EIF2A: variants seen among roughly 807,000 people sequenced by gnomAD.
The protein encoded by EIF2A is eukaryotic translation initiation factor 2A, also known as 65 kDa eukaryotic translation initiation factor 2A.
A neutral mutation model predicts 75.2 loss-of-function variants in EIF2A; 62 were observed. The observed-to-expected ratio is 0.82, with a 90% CI of 0.67 to 1.02. EIF2A has a LOEUF of 1.02. EIF2A is among the 50% of genes least tolerant of loss of function. The pLI is 0.00. For synonymous variants in EIF2A, 207 were observed against 239.0 expected (o/e 0.87, Z 1.23); for missense variants, 611 against 677.7 (o/e 0.90, Z 1.09).
intron 11 of EIF2A, among the ~76,000 whole-genome samples, chr3:150,576,584 C>G (rs891143791): frequency 1.3e-5 from 2 of 152,132 alleles, no homozygotes; most frequent in Non-Finnish European, 2.9e-5. Flanking sequence ...AGAAACTGGA[C>G]TTGACATCAT....
At chr3:150,558,005 C>T (rs770519735) in intron 2 of EIF2A, among the ~76,000 whole-genome samples, 9 of 152,160 alleles carry the variant, frequency 5.9e-5, no homozygotes, top group East Asian at 1.9e-4. Flanking sequence ...ATCTTCACTT[C>T]GGAGATACAG....
chr3:150,551,303 T>C (rs547845564), intron 1 of EIF2A, among the ~76,000 whole-genome samples: 1 of 152,318 alleles, frequency 6.6e-6, no homozygotes, highest in Non-Finnish European at 1.5e-5. Context: ...CTGATTTTCT[T>C]TCCTATTATT....
chr3:150,567,909 T>C lies in EIF2A; in HGVS notation c.557T>C (p.Val186Ala). 6.2e-7 allele frequency: 1 copy of C among 1,604,510 alleles called. No individual in the cohort carries two copies. The highest frequency in any genetic ancestry group is 1.1e-5 in the South Asian group (1 of 88,654). Residue 186 changes from valine (V) to alanine (A), a missense_variant, in exon 8 of 14, where the codon GTC (valine) becomes GCC (alanine). Transcript: ENST00000460851. ...TATGTCTATGTATCTTAGGTGGCTGTCTATGTTCCAGGAAGTAAAGGTGCA... is the reference window on the plus strand; with the variant it reads ...TATGTCTATGTATCTTAGGTGGCTGCCTATGTTCCAGGAAGTAAAGGTGCA... ...SPGPQPYKVA[V>A]YVPGSKGAPS...
chr3:150,571,693 TTTA>T (rs1339751327), intron 9 of EIF2A, among the ~76,000 whole-genome samples: 1 of 152,182 alleles, frequency 6.6e-6, no homozygotes, highest in Non-Finnish European at 1.5e-5. Flanking sequence ...CAAAAACAAA[TTTA>T]TTAATAGTAA....
chr3:150,565,154 A>G (rs1724099473), intron 6 of EIF2A: 1 of 455,514 alleles, frequency 2.2e-6, no homozygotes, highest in Non-Finnish European at 4.4e-6. Flanking sequence ...CCCATGGTAT[A>G]ATTTAACATG....
intron 10 of EIF2A, among the ~76,000 whole-genome samples, chr3:150,574,499 T>C (rs997227086): frequency 6.6e-6 from 1 of 152,218 alleles, no homozygotes; most frequent in Admixed American, 6.5e-5. Context: ...ATAAAACAAA[T>C]GTTCAGCAAA....
In EIF2A at chr3:150,562,522, A is replaced by T; in HGVS notation, c.174-20A>T. The T allele has an allele frequency of 6.3e-7, 1 of 1,578,044 alleles. No homozygotes were observed. The highest frequency in any genetic ancestry group is 8.7e-7 in the Non-Finnish European group (1 of 1,152,626). ...TATAAAACAGTATTTCATTGCTGAA[A>T]TAATTTCTTTTGAAACCAGAGTAAA... On this transcript the variant is annotated intron_variant, in intron 3 of 13. Coordinates refer to ENST00000460851, the MANE Select transcript of EIF2A (RefSeq NM_032025.5).
At chr3:150,574,362 G>A (rs553344101) in intron 10 of EIF2A, among the ~76,000 whole-genome samples, 1 of 152,228 alleles carries the variant, frequency 6.6e-6, no homozygotes, top group East Asian at 1.9e-4. Flanking sequence ...GCTCATAAGC[G>A]TGGAAGAGAC....
chr3:150,579,069 A>G lies in EIF2A; in HGVS notation c.1498-2549A>G, dbSNP rs142162142. 4.8e-3 allele frequency among the ~76,000 whole-genome samples: 724 copies of G among 152,294 alleles called. 1 individual carries two copies. Among genetic ancestry groups the G allele is most frequent in the Non-Finnish European group, 6.3e-3 (428 of 68,014 alleles). On this transcript the variant is annotated intron_variant, in intron 11 of 13. Transcript: ENST00000460851. ...GTTTGTGGGGAAAAATAAATTTTAT[A>G]TATCACTTAATTTTAATGGTTTTTC... is the stretch of plus-strand genomic sequence containing the variant.
In EIF2A at chr3:150,567,694, C is replaced by T. The variant is rs1048032752; in HGVS notation, c.477C>T (p.Asn159=). Residue 159 remains asparagine (N), a splice_region_variant and synonymous_variant, in exon 7 of 14, where the codon AAC becomes AAT. Coordinates refer to ENST00000460851, the MANE Select transcript of EIF2A (RefSeq NM_032025.5). ...EVHFFENNNF[N]TIANKLHLQK... ...GATTTAATTTACTCTTTTTTTTAGA[C>T]ACAATTGCAAATAAATTGCATTTGC... 5 of 1,529,572 alleles carry T rather than the reference C, an allele frequency of 3.3e-6. No individual in the cohort carries two copies. Among genetic ancestry groups the T allele is most frequent in the South Asian group, 1.2e-5 (1 of 82,006 alleles). The allele number at this position is 1,529,572 out of a possible 1,614,324, so 94.8% of individuals were successfully genotyped here.
chr3:150,563,727 T>C, intron 5 of EIF2A, 113 bp downstream of exon 5: 3 of 891,024 alleles, frequency 3.4e-6, no homozygotes, highest in South Asian at 2.0e-5. Context: ...GACAAAAATC[T>C]ACATTTTTAA....
chr3:150,558,327 A>C, intron 2 of EIF2A, 61 bp from the exon 3 acceptor site: 1 of 1,361,956 alleles, frequency 7.3e-7, no homozygotes, highest in Non-Finnish European at 9.7e-7. Flanking sequence ...CTTTATAATC[A>C]GATTTTTTTG....
At chr3:150,576,156 CTG>C (rs1205477103) in intron 11 of EIF2A, among the ~76,000 whole-genome samples, 1 of 151,954 alleles carries the variant, frequency 6.6e-6, no homozygotes, top group Non-Finnish European at 1.5e-5. Flanking sequence ...AAATACTTGA[CTG>C]TGACCAGGTG....
intron 2 of EIF2A, among the ~76,000 whole-genome samples, chr3:150,556,279 A>G (rs990661643): frequency 6.6e-6 from 1 of 152,184 alleles, no homozygotes; most frequent in Non-Finnish European, 1.5e-5. Flanking sequence ...CTGGTGAGTT[A>G]TTATACAGTA....
intron 11 of EIF2A, among the ~76,000 whole-genome samples, chr3:150,579,182 T>A (rs1022837908): frequency 2.0e-5 from 3 of 152,204 alleles, no homozygotes; most frequent in African/African-American, 7.2e-5. Flanking sequence ...AAATCTGATA[T>A]CAAAAGTGAA....
chr3:150,562,492 A>ACTACTATAAAACAGTATTT, intron 3 of EIF2A, 50 bp from the exon 4 acceptor site: 6 of 1,385,040 alleles, frequency 4.3e-6, no homozygotes, highest in Non-Finnish European at 6.0e-6. Context: ...GTTAGTGTTG[A>ACTACTATAAAACAGTATTT]CTACTATAAA....
intron 11 of EIF2A, among the ~76,000 whole-genome samples, chr3:150,576,430 GA>G (rs1461987293): frequency 1.3e-5 from 2 of 149,786 alleles, no homozygotes; most frequent in Non-Finnish European, 1.5e-5. Context: ...ACCATGACTC[GA>G]AAAAAAAAGA....
intron 3 of EIF2A, among the ~76,000 whole-genome samples, chr3:150,559,857 C>T (rs1262170024): frequency 6.6e-6 from 1 of 152,094 alleles, no homozygotes; most frequent in South Asian, 2.1e-4. Context: ...ACAATGTTAA[C>T]AGTTTTAATC....
At chr3:150,569,745 T>C (rs2107941853) in intron 9 of EIF2A, among the ~76,000 whole-genome samples, 1 of 150,472 alleles carries the variant, frequency 6.6e-6, no homozygotes, top group East Asian at 1.9e-4. Context: ...AACCCAGGAG[T>C]GGGAGGTTGC....
Sources: allele counts gnomAD v4.1 joint callset (sites outside exome capture counted in the v4.1 genomes callset), GRCh38; gene constraint gnomAD v4.1.1; transcripts MANE v1.5; gene names NCBI Gene and HGNC (gene_info 2026-07-23, HGNC 2026-07-21).